Variants in OPCML observed in about 807,000 individuals in gnomAD.
OPCML encodes opioid binding protein/cell adhesion molecule like, also known as opioid-binding protein/cell adhesion molecule.
In OPCML, 13 loss-of-function variants were observed where a neutral mutation model predicts 37.8. The ratio of observed to expected loss-of-function variants is 0.34; its 90% CI spans 0.22 to 0.55. The LOEUF is 0.55. OPCML is among the 20% of genes least tolerant of loss of function. OPCML has a pLI of 0.91. For missense variants in OPCML, 341 were observed against 435.6 expected, an observed-to-expected ratio of 0.78 and a Z score of 1.93; for synonymous variants, 176 against 168.8, an observed-to-expected ratio of 1.04 and a Z score of -0.33.
At chr11:132,930,734 G>A (rs1382397734) in intron 2 of OPCML, among the ~76,000 whole-genome samples, 1 of 152,174 alleles carries the variant, frequency 6.6e-6, no homozygotes, top group Non-Finnish European at 1.5e-5. Flanking sequence ...AAGACATGTT[G>A]TGTTTATGAA....
rs149892605 is a variant in OPCML, at chr11:133,355,788, A to C, written c.61+176476T>G. Among the ~76,000 whole-genome samples the C allele has an allele frequency of 6.0e-3, 910 of 152,320 alleles. 6 individuals carry two copies. The highest frequency in any genetic ancestry group is 0.02 in the African/African-American group (847 of 41,568). On this transcript the variant is annotated intron_variant, in intron 1 of 7. Coordinates refer to ENST00000524381, the MANE Select transcript of OPCML (RefSeq NM_001012393.5). ...AGTAGGTACCTCTCAGTCATTTAAA[A>C]TAGATTTCAGTCAAATCCAGAATAG...
chr11:132,995,228 G>A (rs1339560398), intron 1 of OPCML, among the ~76,000 whole-genome samples: 2 of 152,170 alleles, frequency 1.3e-5, no homozygotes, highest in East Asian at 1.9e-4. Context: ...CTAGGCAGAC[G>A]GGAGTCAGAG....
At chr11:132,964,378 T>A (rs1946166261) in intron 1 of OPCML, among the ~76,000 whole-genome samples, 1 of 152,158 alleles carries the variant, frequency 6.6e-6, no homozygotes, top group Admixed American at 6.5e-5. Context: ...AGTTTGGACT[T>A]TGCGATCAAT....
intron 1 of OPCML, among the ~76,000 whole-genome samples, chr11:133,406,636 GT>G (rs1344717075): frequency 3.9e-5 from 6 of 152,212 alleles, no homozygotes; most frequent in Admixed American, 6.5e-5. Context: ...AATTGAATTT[GT>G]TTTCATTTAA....
At chr11:133,390,428 A>C (rs567794130) in intron 1 of OPCML, among the ~76,000 whole-genome samples, 2 of 152,268 alleles carry the variant, frequency 1.3e-5, no homozygotes, top group Non-Finnish European at 2.9e-5. Context: ...GCGCCACTGC[A>C]CTCCAGCCCG....
At chr11:132,820,083 GAATGAATGAATGAA>G (rs1939885594) in intron 2 of OPCML, among the ~76,000 whole-genome samples, 1 of 151,890 alleles carries the variant, frequency 6.6e-6, no homozygotes, top group Non-Finnish European at 1.5e-5. Flanking sequence ...ATGAATGAAT[GAATGAATGAATGAA>G]TGAATGAAAG....
At chr11:133,333,004 G>A (rs1455585240) in intron 1 of OPCML, among the ~76,000 whole-genome samples, 1 of 152,168 alleles carries the variant, frequency 6.6e-6, no homozygotes, top group African/African-American at 2.4e-5. Context: ...AAGTAAAGCA[G>A]CATATCCACA....
At chr11:133,529,804 C>G (rs1002160210) in intron 1 of OPCML, among the ~76,000 whole-genome samples, 8 of 152,138 alleles carry the variant, frequency 5.3e-5, no homozygotes, top group Non-Finnish European at 8.8e-5. Context: ...AAGTCTAAAG[C>G]TATAACAGGA....
intron 1 of OPCML, among the ~76,000 whole-genome samples, chr11:133,160,591 G>C (rs1156660549): frequency 2.0e-5 from 3 of 152,216 alleles, no homozygotes; most frequent in African/African-American, 4.8e-5. Context: ...CTACCAACTT[G>C]ATGGGCAGTT....
At chr11:132,811,921 G>C (rs1198322200) in intron 2 of OPCML, among the ~76,000 whole-genome samples, 1 of 152,214 alleles carries the variant, frequency 6.6e-6, no homozygotes, top group Non-Finnish European at 1.5e-5. Context: ...TCGCAGAACA[G>C]TGTGTTGCTT....
intron 1 of OPCML, among the ~76,000 whole-genome samples, chr11:133,324,175 G>T (rs1167769730): frequency 1.3e-5 from 2 of 152,110 alleles, no homozygotes; most frequent in African/African-American, 4.8e-5. Context: ...TTCCTGATAA[G>T]GATTTTCTTC....
chr11:133,504,215 C>A (rs570274107), intron 1 of OPCML, among the ~76,000 whole-genome samples: 1 of 152,318 alleles, frequency 6.6e-6, no homozygotes, highest in Admixed American at 6.5e-5. Flanking sequence ...TCCAAATCCC[C>A]TAAAACACTT....
chr11:132,820,762 G>T (rs565244867), intron 2 of OPCML, among the ~76,000 whole-genome samples: 1 of 152,252 alleles, frequency 6.6e-6, no homozygotes, highest in Non-Finnish European at 1.5e-5. Flanking sequence ...AATAATTAAA[G>T]CTTCCCCCAA....
intron 1 of OPCML, among the ~76,000 whole-genome samples, chr11:133,506,405 A>G (rs1184551494): frequency 2.0e-5 from 3 of 152,154 alleles, no homozygotes; most frequent in African/African-American, 7.2e-5. Context: ...CTCAGGGGTA[A>G]TGAGCGCGGG....
intron 3 of OPCML, among the ~76,000 whole-genome samples, chr11:132,626,409 G>A (rs900688421): frequency 1.3e-5 from 2 of 151,922 alleles, no homozygotes; most frequent in South Asian, 2.1e-4. Flanking sequence ...GATACTATGA[G>A]GAATAAATGC....
At chr11:133,422,107 TCCCTC>T (rs1416300671) in intron 1 of OPCML, 1 of 978,920 alleles carries the variant, frequency 1.0e-6, no homozygotes, top group Non-Finnish European at 1.2e-6. Context: ...CCTAATGCTA[TCCCTC>T]CCCTAGCCCC....
intron 4 of OPCML, among the ~76,000 whole-genome samples, chr11:132,498,820 C>A (rs1218455754): frequency 6.6e-6 from 1 of 152,024 alleles, no homozygotes; most frequent in Non-Finnish European, 1.5e-5. Context: ...AGACACAGTG[C>A]ATGACTTTAT....
intron 1 of OPCML, among the ~76,000 whole-genome samples, chr11:133,326,997 G>T (rs1241902538): frequency 1.5e-4 from 21 of 139,462 alleles, no homozygotes; most frequent in Non-Finnish European, 2.8e-4. Context: ...GGGTGAGGGG[G>T]TGTGGGTGTA....
At chr11:133,190,610 T>C (rs1938264218) in intron 1 of OPCML, among the ~76,000 whole-genome samples, 1 of 152,184 alleles carries the variant, frequency 6.6e-6, no homozygotes, top group Admixed American at 6.5e-5. Context: ...AGAAATCCTG[T>C]GTCCTTTAGC....
Sources: allele counts gnomAD v4.1 joint callset (sites outside exome capture counted in the v4.1 genomes callset), GRCh38; gene constraint gnomAD v4.1.1; transcripts MANE v1.5; gene names NCBI Gene and HGNC (gene_info 2026-07-23, HGNC 2026-07-21).